The following TBCD variants were observed in gnomAD, a reference collection of about 807,000 sequenced individuals.
TBCD encodes tubulin-specific chaperone D.
In TBCD, 105 loss-of-function variants were observed where a neutral mutation model predicts 169.3. The observed-to-expected ratio is 0.62, with a 90% CI of 0.53 to 0.73. The LOEUF (loss-of-function observed/expected upper bound fraction) is 0.73, where lower values mean the gene tolerates loss of function less well. TBCD is among the 30% of genes least tolerant of loss of function. The pLI, the probability that TBCD is intolerant of heterozygous loss-of-function variation, is 0.00. For synonymous variants in TBCD, 700 were observed against 643.9 expected, an observed-to-expected ratio of 1.09 and a Z score of -1.32; for missense variants, 1,444 against 1,600.1, an observed-to-expected ratio of 0.90 and a Z score of 1.66.
intron 33 of TBCD, 106 bp from the exon 34 acceptor site, chr17:82,932,551 AG>A: frequency 1.2e-6 from 1 of 848,316 alleles, no homozygotes; most frequent in Non-Finnish European, 1.9e-6. Context: ...TAAATTATAA[AG>A]GGGGCTTGTC....
chr17:82,830,612 A>T (rs1443918004), intron 13 of TBCD: 1 of 1,613,868 alleles, frequency 6.2e-7, no homozygotes, highest in Non-Finnish European at 8.5e-7. Context: ...CGACCGGGGA[A>T]GGCAGGCCTC....
rs529584380 is a variant in TBCD at position 82,815,846 on chromosome 17, C to CT, written c.1318+920dup. Among the ~76,000 whole-genome samples, 20 of 152,024 alleles carry CT rather than the reference C, an allele frequency of 1.3e-4. No homozygotes were observed. The East Asian group carries it at 3.3e-3, about 25-fold the overall frequency. Reference sequence around the variant, plus strand: ...GGGAGAGCTTTTAGAGCCTGCAGTTCTTTTTTTTAATGTCTCTGCTTATTT... The same window carrying CT: ...GGGAGAGCTTTTAGAGCCTGCAGTTCTTTTTTTTTAATGTCTCTGCTTATTT... On this transcript the variant is annotated intron_variant, in intron 13 of 38. Transcript: ENST00000355528.
intron 3 of TBCD, among the ~76,000 whole-genome samples, chr17:82,764,372 C>T (rs1568098573): frequency 6.6e-6 from 1 of 152,106 alleles, no homozygotes; most frequent in Non-Finnish European, 1.5e-5. Flanking sequence ...AGGCCGGGTG[C>T]GGTGGCTCAT....
rs1340004462 is a variant in TBCD at position 82,944,586 on chromosome 17, G to C, written c.*2123G>C. The C allele has an allele frequency of 6.6e-6, 1 of 152,218 alleles. No individual in the cohort carries two copies. Among genetic ancestry groups the C allele is most frequent in the Non-Finnish European group, 1.5e-5 (1 of 68,042 alleles). 9.4% of individuals were successfully genotyped at this position (152,218 alleles called of 1,614,324 possible). On this transcript the variant is annotated 3_prime_UTR_variant, in exon 39 of 39. Coordinates refer to ENST00000355528, the MANE Select transcript of TBCD (RefSeq NM_005993.5). ...CAGCATTTGGGCAGAGGTCCAGACT[G>C]TGTCCAATGGCAGAAAAGAGAATGC...
intron 23 of TBCD, among the ~76,000 whole-genome samples, chr17:82,916,847 T>G (rs575557824): frequency 6.6e-6 from 1 of 152,246 alleles, no homozygotes; most frequent in East Asian, 1.9e-4. Flanking sequence ...TTGTTCACTT[T>G]AGAAAAATTC....
At chr17:82,786,820 ACTT>A (rs2049348945) in intron 7 of TBCD, among the ~76,000 whole-genome samples, 2 of 68,112 alleles carry the variant, frequency 2.9e-5, no homozygotes, top group African/African-American at 6.6e-5. Context: ...TCGGTTCTTT[ACTT>A]TTTTTTTTTT....
At position 82,831,965 on chromosome 17, in the gene TBCD, GA is replaced by G; in HGVS notation, c.1318+17033del. 6.2e-7 allele frequency: 1 copy of G among 1,613,838 alleles called. No homozygotes were observed. The highest frequency in any genetic ancestry group is 8.5e-7 in the Non-Finnish European group (1 of 1,179,770). ...CCCTTGAGTCTGTGCTCGCCGACTG[GA>G]ACAAATGCAGAAGGCCGAGCTGCGC... On this transcript the variant is annotated intron_variant, in intron 13 of 38. Transcript: ENST00000355528. This position sits in a 1 kb window ranked among gnomAD's most constrained non-coding sequence, Gnocchi z 4.6.
At chr17:82,858,160 C>T (rs577867782) in intron 13 of TBCD, among the ~76,000 whole-genome samples, 13 of 152,186 alleles carry the variant, frequency 8.5e-5, no homozygotes, top group African/African-American at 2.6e-4. Flanking sequence ...GTGATCCTCC[C>T]GCCTCAGCCT....
At chr17:82,794,604 G>A (rs2049973256) in intron 7 of TBCD, among the ~76,000 whole-genome samples, 1 of 152,204 alleles carries the variant, frequency 6.6e-6, no homozygotes. Context: ...CTCTCTGGCC[G>A]CGTCCTCCTG....
chr17:82,877,192 G>A (rs987989333), intron 14 of TBCD, among the ~76,000 whole-genome samples: 10 of 152,296 alleles, frequency 6.6e-5, no homozygotes, highest in African/African-American at 2.4e-4. Context: ...AAGGAAACCA[G>A]AAATTCTTGA....
At chr17:82,928,390 T>G (rs2061932450) in intron 30 of TBCD, among the ~76,000 whole-genome samples, 1 of 152,208 alleles carries the variant, frequency 6.6e-6, no homozygotes, top group South Asian at 2.1e-4. Context: ...TCCCTGCACC[T>G]GAGGCTGCCA....
At chr17:82,752,925 C>G (rs1302882686) in intron 1 of TBCD, among the ~76,000 whole-genome samples, 1 of 152,184 alleles carries the variant, frequency 6.6e-6, no homozygotes, top group Non-Finnish European at 1.5e-5. Context: ...TCCGTGGACG[C>G]CGTGGACAGA....
intron 2 of TBCD, among the ~76,000 whole-genome samples, chr17:82,760,936 A>C (rs891609901): frequency 2.0e-5 from 3 of 151,998 alleles, no homozygotes; most frequent in Non-Finnish European, 4.4e-5. Flanking sequence ...CTGTGTGATG[A>C]AATGTTTACT....
chr17:82,821,881 A>C (rs1052416719), intron 13 of TBCD, among the ~76,000 whole-genome samples: 1 of 152,216 alleles, frequency 6.6e-6, no homozygotes, highest in African/African-American at 2.4e-5. Context: ...TAAATGTATA[A>C]TACATTTTAT....
At chr17:82,827,512 A>C (rs1328845951) in intron 13 of TBCD, among the ~76,000 whole-genome samples, 1 of 152,212 alleles carries the variant, frequency 6.6e-6, no homozygotes, top group African/African-American at 2.4e-5. Context: ...GCCATTGAGT[A>C]GCCCCAGGGG....
chr17:82,900,589 C>A, intron 17 of TBCD, 62 bp from the exon 18 acceptor site: 1 of 1,339,230 alleles, frequency 7.5e-7, no homozygotes, highest in Non-Finnish European at 1.1e-6. Flanking sequence ...TGAATTCCCA[C>A]CCACAGGCAG....
chr17:82,800,847 C>G lies in TBCD; in HGVS notation c.818-17C>G. 6.2e-7 allele frequency: 1 copy of G among 1,610,804 alleles called. No homozygotes were observed. Among genetic ancestry groups the G allele is most frequent in the Non-Finnish European group, 8.5e-7 (1 of 1,178,796 alleles). On this transcript the variant is annotated splice_polypyrimidine_tract_variant and intron_variant, in intron 8 of 38. Transcript: ENST00000355528. The stretch of plus-strand genomic sequence containing the variant: ...GCCTGCAGCCCTTCCTGCGCTGAGT[C>G]CAGTTCTTGTTTGCAGCTGCCACTG...
At chr17:82,909,988 T>G (rs2060516140) in intron 22 of TBCD, among the ~76,000 whole-genome samples, 1 of 152,116 alleles carries the variant, frequency 6.6e-6, no homozygotes, top group African/African-American at 2.4e-5. Flanking sequence ...CCCCGACGTG[T>G]CTTTGAGATA....
chr17:82,930,785 C>CTTCCTCGCTG lies in TBCD; in HGVS notation c.3113+142_3113+143insTTCCTCGCTG. 7.3e-7 allele frequency: 1 copy of CTTCCTCGCTG among 1,361,702 alleles called. No individual in the cohort carries two copies. The highest frequency in any genetic ancestry group is 9.9e-7 in the Non-Finnish European group (1 of 1,006,308). 84.4% of individuals were successfully genotyped at this position (1,361,702 alleles called of 1,614,324 possible). A position where few individuals can be genotyped will look rare whatever the true frequency, so the allele number is the denominator to read the frequency against. ...ACACACGCTGTACCAGTTGGTGGCT[C>CTTCCTCGCTG]AGCGAGGAAGATGTGCCTGCAGCAT... On this transcript the variant is annotated intron_variant, in intron 33 of 38. Coordinates refer to ENST00000355528, the MANE Select transcript of TBCD (RefSeq NM_005993.5). The surrounding 1 kb of genome is among the most constrained non-coding windows in gnomAD (Gnocchi z 5.2).
Sources: allele counts gnomAD v4.1 joint callset (sites outside exome capture counted in the v4.1 genomes callset), GRCh38; gene constraint gnomAD v4.1.1; non-coding constraint Gnocchi (gnomAD v3.1); transcripts MANE v1.5; gene names NCBI Gene and HGNC (gene_info 2026-07-23, HGNC 2026-07-21).